Variants in AFG1L observed in about 807,000 individuals in gnomAD.
The protein encoded by AFG1L is AFG1 like ATPase.
Under a neutral mutation model 62.2 loss-of-function variants are expected in AFG1L, and 53 were observed. The ratio of observed to expected loss-of-function variants is 0.85; its 90% confidence interval spans 0.68 to 1.07. The LOEUF is 1.07. AFG1L is among the 50% of genes least tolerant of loss of function. The probability of loss-of-function intolerance (pLI) is 0.00; values close to 1 mark genes in which losing one functional copy is unlikely to be tolerated. For synonymous variants in AFG1L, 228 were observed against 210.3 expected (o/e 1.08, Z -0.73); for missense variants, 555 against 590.5 (o/e 0.94, Z 0.62).
intron 8 of AFG1L, among the ~76,000 whole-genome samples, chr6:108,460,080 G>C (rs1772394072): frequency 6.6e-6 from 1 of 151,788 alleles, no homozygotes; most frequent in Non-Finnish European, 1.5e-5. Flanking sequence ...CAAAAAAAAA[G>C]CTACAGCGCA....
At chr6:108,476,612 T>C (rs1391173657) in intron 8 of AFG1L, among the ~76,000 whole-genome samples, 1 of 152,240 alleles carries the variant, frequency 6.6e-6, no homozygotes, top group African/African-American at 2.4e-5. Context: ...GGATTTACTC[T>C]GCCTGTATCG....
intron 10 of AFG1L, among the ~76,000 whole-genome samples, chr6:108,480,962 C>T (rs181222123): frequency 1.7e-4 from 26 of 152,320 alleles, no homozygotes; most frequent in Non-Finnish European, 3.1e-4. Context: ...AACCTTAGTA[C>T]GGACCTGCCC....
intron 6 of AFG1L, among the ~76,000 whole-genome samples, chr6:108,382,325 G>T (rs1780585350): frequency 6.6e-6 from 1 of 151,970 alleles, no homozygotes; most frequent in Non-Finnish European, 1.5e-5. Context: ...TAATGAAAAT[G>T]CATTAGATAG....
intron 6 of AFG1L, among the ~76,000 whole-genome samples, chr6:108,377,223 T>C (rs1780287438): frequency 6.6e-6 from 1 of 152,192 alleles, no homozygotes; most frequent in Non-Finnish European, 1.5e-5. Flanking sequence ...GCCTTGTAAG[T>C]GGGGCATTTA....
intron 8 of AFG1L, among the ~76,000 whole-genome samples, chr6:108,473,969 A>T (rs1773010600): frequency 6.6e-6 from 1 of 152,222 alleles, no homozygotes; most frequent in African/African-American, 2.4e-5. Context: ...TGCACCGATC[A>T]ACCCATCACC....
chr6:108,395,987 G>A (rs1047818821), intron 6 of AFG1L, among the ~76,000 whole-genome samples: 1 of 152,024 alleles, frequency 6.6e-6, no homozygotes, highest in Admixed American at 6.5e-5. Context: ...GCCCACAGGT[G>A]TGTGCCACCA....
intron 7 of AFG1L, among the ~76,000 whole-genome samples, chr6:108,436,847 A>G (rs1417061658): frequency 1.3e-5 from 2 of 152,230 alleles, no homozygotes; most frequent in Non-Finnish European, 2.9e-5. Flanking sequence ...AAAGAATTAA[A>G]TGAATACATT....
At chr6:108,457,805 A>G (rs1024418689) in intron 8 of AFG1L, among the ~76,000 whole-genome samples, 4 of 152,066 alleles carry the variant, frequency 2.6e-5, no homozygotes, top group Non-Finnish European at 5.9e-5. Context: ...TTCTCATATT[A>G]AAGTTTTTGT....
At chr6:108,434,325 A>C (rs1299330616) in intron 7 of AFG1L, among the ~76,000 whole-genome samples, 5 of 152,128 alleles carry the variant, frequency 3.3e-5, no homozygotes, top group African/African-American at 1.2e-4. Context: ...AGAAGTCCCA[A>C]GATCCTCAAA....
At chr6:108,353,576 C>A (rs1226025891) in intron 3 of AFG1L, among the ~76,000 whole-genome samples, 5 of 141,752 alleles carry the variant, frequency 3.5e-5, no homozygotes, top group Admixed American at 7.1e-5. Context: ...TTGTTATTTT[C>A]TTTTTTTTTT....
At chr6:108,316,772 T>C (rs921784027) in intron 1 of AFG1L, among the ~76,000 whole-genome samples, 2 of 152,096 alleles carry the variant, frequency 1.3e-5, no homozygotes, top group African/African-American at 4.8e-5. Context: ...GACCTCGTGA[T>C]CTGCCCGCCT....
chr6:108,385,054 T>C (rs1582486016), intron 6 of AFG1L, among the ~76,000 whole-genome samples: 1 of 152,284 alleles, frequency 6.6e-6, no homozygotes, highest in Middle Eastern at 3.4e-3. Context: ...CTGAAACACA[T>C]AAATTTATAG....
intron 6 of AFG1L, among the ~76,000 whole-genome samples, chr6:108,391,829 A>G (rs979100764): frequency 2.6e-5 from 4 of 152,144 alleles, no homozygotes; most frequent in Middle Eastern, 3.2e-3. Flanking sequence ...CAACTGCTTC[A>G]TGTCTTTTCT....
At chr6:108,500,175 T>TGTGC (rs1228637093) in intron 10 of AFG1L, among the ~76,000 whole-genome samples, 31 of 133,378 alleles carry the variant, frequency 2.3e-4, no homozygotes, top group African/African-American at 7.6e-4. Context: ...TGCGTGCGTG[T>TGTGC]GTGTGTGTGT....
At chr6:108,505,809 G>T (rs2114887256) in intron 10 of AFG1L, among the ~76,000 whole-genome samples, 1 of 152,150 alleles carries the variant, frequency 6.6e-6, no homozygotes, top group Admixed American at 6.5e-5. Flanking sequence ...AAGTAATAAA[G>T]AAATATACAA....
chr6:108,383,866 C>G (rs1582483482), intron 6 of AFG1L, among the ~76,000 whole-genome samples: 1 of 151,882 alleles, frequency 6.6e-6, no homozygotes, highest in Non-Finnish European at 1.5e-5. Context: ...TAGAAAACAG[C>G]AAAAAAGTAT....
At chr6:108,401,930 G>A in intron 6 of AFG1L, 66 bp from the exon 7 acceptor site, 1 of 726,520 alleles carries the variant, frequency 1.4e-6, no homozygotes, top group Non-Finnish European at 2.3e-6. Flanking sequence ...TATTTGCCAG[G>A]CTAAACGATA....
At chr6:108,462,770 T>C (rs1161164653) in intron 8 of AFG1L, among the ~76,000 whole-genome samples, 1 of 152,180 alleles carries the variant, frequency 6.6e-6, no homozygotes, top group African/African-American at 2.4e-5. Flanking sequence ...GTGTAAATAA[T>C]AATTGTGTAT....
intron 8 of AFG1L, among the ~76,000 whole-genome samples, chr6:108,449,718 A>G (rs1771973285): frequency 6.6e-6 from 1 of 152,136 alleles, no homozygotes; most frequent in Non-Finnish European, 1.5e-5. Context: ...CTCATTTAAC[A>G]TTAGGTATAT....
Sources: allele counts gnomAD v4.1 joint callset (sites outside exome capture counted in the v4.1 genomes callset), GRCh38; gene constraint gnomAD v4.1.1; transcripts MANE v1.5; gene names NCBI Gene and HGNC (gene_info 2026-07-23, HGNC 2026-07-21).